Variants in NLK observed in about 807,000 individuals in gnomAD.
NLK encodes nemo like kinase, also known as serine/threonine-protein kinase NLK.
Under a neutral mutation model 59.0 loss-of-function variants are expected in NLK, and 11 were observed. The observed-to-expected ratio is 0.19, with a 90% CI of 0.12 to 0.31. The LOEUF (loss-of-function observed/expected upper bound fraction) is 0.31, where lower values mean the gene tolerates loss of function less well. NLK is among the 10% of genes least tolerant of loss of function. The pLI, the probability that NLK is intolerant of heterozygous loss-of-function variation, is 1.00. For synonymous variants in NLK, 235 were observed against 235.9 expected (o/e 1.00, Z 0.03); for missense variants, 410 against 661.1 (o/e 0.62, Z 4.16).
At chr17:28,045,348 C>A (rs1909014657) in intron 1 of NLK, among the ~76,000 whole-genome samples, 1 of 152,190 alleles carries the variant, frequency 6.6e-6, no homozygotes, top group African/African-American at 2.4e-5. Context: ...GTTAATTGAT[C>A]TAGTCAGGTC....
At chr17:28,169,987 G>A (rs1347451764) in intron 6 of NLK, among the ~76,000 whole-genome samples, 1 of 152,098 alleles carries the variant, frequency 6.6e-6, no homozygotes, top group African/African-American at 2.4e-5. Flanking sequence ...GAAAAATGTA[G>A]CCAGGTTAGG....
At position 28,194,981 on chromosome 17, in the gene NLK, G is replaced by T; in HGVS notation, c.*345G>T. ...TTCTTTTCTAAAATGAAGTGAGATT[G>T]TTCACACACACACACACACACACAC... On this transcript the variant is annotated 3_prime_UTR_variant, in exon 11 of 11. Transcript: ENST00000407008. The T allele has an allele frequency of 1.2e-5, 2 of 168,734 alleles. No homozygotes were observed. The highest frequency in any genetic ancestry group is 1.8e-4 in the South Asian group (1 of 5,444). The allele number at this position is 168,734 out of a possible 1,614,324, so 10.5% of individuals were successfully genotyped here.
At chr17:28,111,896 G>GTGGTGTGTGTGTGT (rs1394476582) in intron 1 of NLK, among the ~76,000 whole-genome samples, 5 of 67,542 alleles carry the variant, frequency 7.4e-5, no homozygotes, top group Non-Finnish European at 1.1e-4. Flanking sequence ...GTGTGTGTGT[G>GTGGTGTGTGTGTGT]GTGTGTGTGT....
At chr17:28,151,164 A>G (rs755022240) in intron 3 of NLK, among the ~76,000 whole-genome samples, 3 of 152,182 alleles carry the variant, frequency 2.0e-5, no homozygotes, top group African/African-American at 4.8e-5. Context: ...GGAGTGATGC[A>G]GGTGTCTTTT....
chr17:28,093,637 C>T (rs1291267595), intron 1 of NLK, among the ~76,000 whole-genome samples: 2 of 152,178 alleles, frequency 1.3e-5, no homozygotes, highest in South Asian at 2.1e-4. Context: ...AATCCAATCC[C>T]AGTTCTGCCC....
At chr17:28,066,860 G>A (rs186066874) in intron 1 of NLK, among the ~76,000 whole-genome samples, 28 of 152,282 alleles carry the variant, frequency 1.8e-4, no homozygotes, top group Admixed American at 1.6e-3. Context: ...AAGATGTTGA[G>A]CATCTTTTCA....
intron 1 of NLK, among the ~76,000 whole-genome samples, chr17:28,111,618 C>T (rs1905482353): frequency 6.6e-6 from 1 of 152,168 alleles, no homozygotes. Context: ...TTCCTCACCT[C>T]TGACGGTTGT....
chr17:28,194,539 T>C (rs373828426), intron 10 of NLK, 43 bp from the exon 11 acceptor site: 11 of 1,463,608 alleles, frequency 7.5e-6, no homozygotes, highest in East Asian at 6.9e-5. Flanking sequence ...CTTTTGTCCA[T>C]TGTGACATTA....
At chr17:28,104,599 T>A (rs1905013559) in intron 1 of NLK, among the ~76,000 whole-genome samples, 1 of 152,044 alleles carries the variant, frequency 6.6e-6, no homozygotes, top group African/African-American at 2.4e-5. Flanking sequence ...TAAATTCAGA[T>A]AGACTTTTTT....
chr17:28,197,113 A>C (rs1909502539), downstream of NLK, among the ~76,000 whole-genome samples: 1 of 152,210 alleles, frequency 6.6e-6, no homozygotes, highest in African/African-American at 2.4e-5. Flanking sequence ...ACCAATGCTT[A>C]GATAAGGAAA....
At chr17:28,144,398 A>G (rs999077785) in intron 3 of NLK, among the ~76,000 whole-genome samples, 33 of 147,220 alleles carry the variant, frequency 2.2e-4, no homozygotes, top group Admixed American at 9.5e-4. Context: ...GGTGAAGCCA[A>G]AAAAAAAAAA....
At chr17:28,097,543 C>G (rs1056328366) in intron 1 of NLK, among the ~76,000 whole-genome samples, 1 of 152,074 alleles carries the variant, frequency 6.6e-6, no homozygotes, top group Non-Finnish European at 1.5e-5. Context: ...ATAAATTATC[C>G]TTACTCAGTT....
chr17:28,070,566 T>C (rs1909974310), intron 1 of NLK, among the ~76,000 whole-genome samples: 1 of 151,866 alleles, frequency 6.6e-6, no homozygotes, highest in Admixed American at 6.6e-5. Flanking sequence ...TTGGCCAGGA[T>C]GGTCTTGATC....
chr17:28,079,121 T>G (rs984607169), intron 1 of NLK, among the ~76,000 whole-genome samples: 11 of 152,232 alleles, frequency 7.2e-5, no homozygotes, highest in African/African-American at 2.7e-4. Flanking sequence ...AGTGGAATCA[T>G]GCAGTATTTG....
chr17:28,166,223 T>A (rs192042481), intron 5 of NLK, among the ~76,000 whole-genome samples: 3 of 152,152 alleles, frequency 2.0e-5, no homozygotes, highest in African/African-American at 4.8e-5. Flanking sequence ...AAAAAATATA[T>A]ATATATATAT....
chr17:28,195,238 C>G lies in NLK; in HGVS notation c.*602C>G, dbSNP rs934459674. On this transcript the variant is annotated 3_prime_UTR_variant, in exon 11 of 11. Transcript: ENST00000407008. Reference sequence around the variant, plus strand: ...GAGCCGTGATGGTGATGTGTGCTGTCTAAAATCCAATGTTGTGGGTAGAGA... The same window carrying G: ...GAGCCGTGATGGTGATGTGTGCTGTGTAAAATCCAATGTTGTGGGTAGAGA... 6.6e-6 allele frequency: 1 copy of G among 151,838 alleles called. No homozygotes were observed. 9.4% of individuals were successfully genotyped at this position (151,838 alleles called of 1,614,324 possible).
intron 3 of NLK, among the ~76,000 whole-genome samples, chr17:28,146,395 T>TGATGATGATGAC (rs1288765268): frequency 4.5e-4 from 68 of 151,438 alleles, no homozygotes; most frequent in African/African-American, 1.6e-3. Flanking sequence ...ATGATGATGA[T>TGATGATGATGAC]GATGATGATG....
chr17:28,142,264 G>C (rs761137382), intron 3 of NLK, among the ~76,000 whole-genome samples: 1 of 152,008 alleles, frequency 6.6e-6, no homozygotes, highest in Non-Finnish European at 1.5e-5. Context: ...AACTGAGGTA[G>C]TTTTAATTTT....
At position 28,070,667 on chromosome 17, in the gene NLK, A is replaced by G. The variant is rs116655276; in HGVS notation, c.458+27336A>G. ...TGCCCAGCCTGAAATTAATTTTTGT[A>G]TATGGACTAAGATAAGGGTTTGAGG... On this transcript the variant is annotated intron_variant, in intron 1 of 10. Coordinates refer to ENST00000407008, the MANE Select transcript of NLK (RefSeq NM_016231.5). Among the ~76,000 whole-genome samples the G allele has an allele frequency of 8.2e-3, 1,248 of 152,094 alleles. 16 individuals are homozygous for G. The highest frequency in any genetic ancestry group is 0.028 in the African/African-American group (1,159 of 41,524).
Sources: allele counts gnomAD v4.1 joint callset (sites outside exome capture counted in the v4.1 genomes callset), GRCh38; gene constraint gnomAD v4.1.1; transcripts MANE v1.5; gene names NCBI Gene and HGNC (gene_info 2026-07-23, HGNC 2026-07-21).